Variants in MLLT10 observed in about 807,000 individuals in gnomAD.
MLLT10 encodes MLLT10 histone lysine methyltransferase DOT1L cofactor.
In MLLT10, 30 loss-of-function variants were observed where a neutral mutation model predicts 129.1. That is an observed-to-expected ratio of 0.23 (90% CI 0.17 to 0.32). The LOEUF is 0.32. Among genes scored for constraint, MLLT10 ranks in the 10% least tolerant of loss-of-function variants. The pLI, the probability that MLLT10 is intolerant of heterozygous loss-of-function variation, is 1.00. For synonymous variants in MLLT10, 490 were observed against 446.4 expected, an observed-to-expected ratio of 1.10 and a Z score of -1.23; for missense variants, 1,119 against 1,268.3, an observed-to-expected ratio of 0.88 and a Z score of 1.79.
intron 13 of MLLT10, chr10:21,688,421 C>T: frequency 2.3e-6 from 3 of 1,316,796 alleles, no homozygotes; most frequent in Non-Finnish European, 3.3e-6. Flanking sequence ...AGTTTTTCAA[C>T]TTGTCTGTCA....
Position 21,616,343 on chromosome 10 carries a change from T to C in MLLT10, c.604-769T>C, listed in dbSNP as rs542349253. Among the ~76,000 whole-genome samples the C allele has an allele frequency of 6.6e-5, 10 of 152,250 alleles. No individual in the cohort carries two copies. In the East Asian group the frequency reaches 1.9e-3, roughly 29 times the overall value. ...TCCCATTTGATAGTTGGGAAAAATA[T>C]CTGTTTAATAATTTAATAAGATTGT... On this transcript the variant is annotated intron_variant, in intron 7 of 22. Transcript: ENST00000307729.
intron 3 of MLLT10, among the ~76,000 whole-genome samples, chr10:21,564,121 T>C (rs1204256014): frequency 6.6e-6 from 1 of 152,094 alleles, no homozygotes; most frequent in South Asian, 2.1e-4. Flanking sequence ...CTATTATTAT[T>C]ATTTTTTTTT....
At chr10:21,700,130 C>G (rs1319281457) in intron 13 of MLLT10, among the ~76,000 whole-genome samples, 1 of 145,860 alleles carries the variant, frequency 6.9e-6, no homozygotes, top group Non-Finnish European at 1.5e-5. Flanking sequence ...TTTTTAAACA[C>G]TATAGTAAAC....
chr10:21,727,043 G>T (rs1327620144), intron 15 of MLLT10, among the ~76,000 whole-genome samples: 1 of 152,146 alleles, frequency 6.6e-6, no homozygotes, highest in Non-Finnish European at 1.5e-5. Flanking sequence ...AGGATTGGTT[G>T]ACATGTCCAA....
At chr10:21,620,326 A>C (rs1249917766) in intron 8 of MLLT10, among the ~76,000 whole-genome samples, 2 of 152,206 alleles carry the variant, frequency 1.3e-5, no homozygotes, top group Admixed American at 1.3e-4. Context: ...ATCAAGTCAG[A>C]CATTAGTATT....
chr10:21,617,256 A>ATT, intron 8 of MLLT10, 49 bp downstream of exon 8: 2 of 1,091,216 alleles, frequency 1.8e-6, no homozygotes, highest in African/African-American at 1.6e-5. Context: ...ACTTAATAGA[A>ATT]TTTTTTTTTG....
intron 3 of MLLT10, among the ~76,000 whole-genome samples, chr10:21,551,153 C>G (rs1046890914): frequency 6.6e-6 from 1 of 151,712 alleles, no homozygotes; most frequent in African/African-American, 2.4e-5. Flanking sequence ...TCTCGAGCTC[C>G]TGACCTCATG....
At chr10:21,625,213 C>G (rs1056081612) in intron 8 of MLLT10, 1 of 1,490,120 alleles carries the variant, frequency 6.7e-7, no homozygotes, top group Non-Finnish European at 9.4e-7. Context: ...CAGCTTGGCG[C>G]TCTTTCCTTT....
chr10:21,552,957 C>T (rs1258805059), intron 3 of MLLT10, among the ~76,000 whole-genome samples: 2 of 151,830 alleles, frequency 1.3e-5, no homozygotes, highest in African/African-American at 2.4e-5. Context: ...CTTCTGGGTA[C>T]CATCTGCTTG....
intron 13 of MLLT10, among the ~76,000 whole-genome samples, 183 bp downstream of exon 13, chr10:21,682,440 A>C (rs977945950): frequency 6.6e-6 from 1 of 152,328 alleles, no homozygotes; most frequent in Admixed American, 6.5e-5. Flanking sequence ...TGATAGGTCA[A>C]TATGGTTCAT....
chr10:21,611,162 A>ATT (rs754596411), intron 5 of MLLT10, among the ~76,000 whole-genome samples: 9 of 115,498 alleles, frequency 7.8e-5, no homozygotes, highest in African/African-American at 1.3e-4. Context: ...ATGCCCGGCT[A>ATT]TTTTTTTTTT....
rs192159748 is a variant in MLLT10 at position 21,621,109 on chromosome 10, G to A, written c.699+3902G>A. On this transcript the variant is annotated intron_variant, in intron 8 of 22. Transcript: ENST00000307729. ...CGCCATTCTCCTGTCTCAGCCTTCC[G>A]AGTAGTTGGGACTGCAGGCGCCCGC... Among the ~76,000 whole-genome samples the A allele has an allele frequency of 2.3e-4, 34 of 149,014 alleles. No individual in the cohort carries two copies. In the East Asian group the frequency reaches 5.9e-3, roughly 26 times the overall value.
At position 21,673,468 on chromosome 10, in the gene MLLT10, C is replaced by T; in HGVS notation, c.1170C>T (p.Ser390=). ...SDLRNDSYSH[S]QQSSATKDVH... ...TGCGTAATGACAGTTACTCTCACTC[C>T]CAACAGTCATCAGCAACCAAAGATG... The change falls in exon 11 of 23, where the codon TCC becomes TCT. Residue 390 remains serine, a synonymous_variant. Coordinates refer to ENST00000307729, the MANE Select transcript of MLLT10 (RefSeq NM_001195626.3). 1 of 1,613,844 alleles carries T rather than the reference C, an allele frequency of 6.2e-7. No individual in the cohort carries two copies. The highest frequency in any genetic ancestry group is 8.5e-7 in the Non-Finnish European group (1 of 1,179,958).
At chr10:21,582,339 C>G (rs764898930) in intron 3 of MLLT10, among the ~76,000 whole-genome samples, 1 of 151,962 alleles carries the variant, frequency 6.6e-6, no homozygotes, top group South Asian at 2.1e-4. Flanking sequence ...AGGCTGGTCT[C>G]GAACTCCTGA....
intron 3 of MLLT10, among the ~76,000 whole-genome samples, chr10:21,552,471 A>G (rs2130956308): frequency 6.9e-6 from 1 of 145,036 alleles, no homozygotes; most frequent in Admixed American, 7.1e-5. Context: ...AGCTCACTGC[A>G]ACCTTCACCT....
rs139178244 is a variant in MLLT10, at chr10:21,583,723, T to G, written c.241-2571T>G. On this transcript the variant is annotated intron_variant, in intron 3 of 22. Transcript: ENST00000307729. ...GAGCTAACAACAGCAAGAAACTCAC[T>G]CATTACCACAGGGAAAACACCAAGA... Among the ~76,000 whole-genome samples the G allele has an allele frequency of 9.9e-5, 15 of 152,214 alleles. No homozygotes were observed. The East Asian group carries it at 2.7e-3, about 27-fold the overall frequency.
At chr10:21,595,634 T>C (rs1331009905) in intron 5 of MLLT10, 194 bp downstream of exon 5, 1 of 462,856 alleles carries the variant, frequency 2.2e-6, no homozygotes, top group Non-Finnish European at 3.8e-6. Flanking sequence ...CAAGCAAAAC[T>C]GTGTTACCTT....
intron 14 of MLLT10, among the ~76,000 whole-genome samples, chr10:21,714,688 T>G (rs1211798882): frequency 6.6e-6 from 1 of 152,180 alleles, no homozygotes; most frequent in Non-Finnish European, 1.5e-5. Flanking sequence ...CACGCCACCA[T>G]GCCTAGGTAA....
At chr10:21,730,775 C>T in intron 16 of MLLT10, 125 bp from the exon 17 acceptor site, 2 of 900,126 alleles carry the variant, frequency 2.2e-6, no homozygotes, top group South Asian at 1.6e-5. Context: ...GAACCTGATA[C>T]TTCTGGCATA....
Sources: gnomAD v4.1 joint callset for allele counts (sites outside exome capture counted in the v4.1 genomes callset) on GRCh38, gnomAD v4.1.1 for gene constraint, MANE v1.5 for transcripts, NCBI Gene and HGNC (gene_info 2026-07-23, HGNC 2026-07-21) for gene names.